ABCB1: variants seen among roughly 807,000 people sequenced by gnomAD.
ABCB1 encodes ATP-dependent translocase ABCB1.
A neutral mutation model predicts 142.0 loss-of-function variants in ABCB1; 69 were observed. The observed-to-expected ratio is 0.49, with a 90% confidence interval of 0.40 to 0.59. ABCB1 has a LOEUF of 0.59. Ranked by LOEUF, ABCB1 falls within the 20% of genes least tolerant of loss-of-function variation. The pLI is 0.00. For missense variants in ABCB1, 1,326 were observed against 1,554.7 expected (o/e 0.85, Z 2.47); for synonymous variants, 532 against 539.2 (o/e 0.99, Z 0.18).
chr7:87,529,333 T>G (rs906710935), intron 21 of ABCB1, among the ~76,000 whole-genome samples: 1 of 152,186 alleles, frequency 6.6e-6, no homozygotes, highest in African/African-American at 2.4e-5. Flanking sequence ...ATATAAGAAG[T>G]ACTAAATAGC....
At chr7:87,520,728 G>A in intron 22 of ABCB1, 48 bp downstream of exon 22, 1 of 1,512,958 alleles carries the variant, frequency 6.6e-7, no homozygotes, top group South Asian at 1.1e-5. Flanking sequence ...CAAATATGAT[G>A]ATTGAAAAAT....
chr7:87,659,599 CAAGAG>C (rs1004864278), intron 1 of ABCB1, among the ~76,000 whole-genome samples: 1 of 152,072 alleles, frequency 6.6e-6, no homozygotes, highest in African/African-American at 2.4e-5. Context: ...TTAGAACACT[CAAGAG>C]GAGAAGGATA....
intron 1 of ABCB1, among the ~76,000 whole-genome samples, chr7:87,636,485 A>C (rs539552578): frequency 1.3e-5 from 2 of 152,222 alleles, no homozygotes; most frequent in African/African-American, 4.8e-5. Context: ...TGTTGGATAC[A>C]TGTAATGCAA....
At chr7:87,649,756 G>A (rs28381754) in intron 1 of ABCB1, among the ~76,000 whole-genome samples, 2 of 152,288 alleles carry the variant, frequency 1.3e-5, no homozygotes, top group Non-Finnish European at 2.9e-5. Flanking sequence ...TAATTCCTAT[G>A]TGTTGTGGGA....
chr7:87,628,814 T>A lies in ABCB1; in HGVS notation c.-330-27736A>T, dbSNP rs541713113. 2.0e-5 allele frequency: 25 copies of A among 1,237,604 alleles called. No individual in the cohort carries two copies. In the South Asian group the frequency reaches 9.0e-4, roughly 45 times the overall value. The allele number at this position is 1,237,604 out of a possible 1,614,324, so 76.7% of individuals were successfully genotyped here. On this transcript the variant is annotated intron_variant, in intron 1 of 28. Transcript: ENST00000265724. ...GCACGAGACAAAAGGGGCACGGGGG[T>A]AAGCCCGCCATGGCCTCCCGGAGCC... is the stretch of plus-strand genomic sequence containing the variant.
At position 87,626,455 on chromosome 7, in the gene ABCB1, A is replaced by G. The variant is rs149543796; in HGVS notation, c.-330-25377T>C. On this transcript the variant is annotated intron_variant, in intron 1 of 28. Coordinates refer to the ABCB1 transcript ENST00000265724. The stretch of plus-strand genomic sequence containing the variant: ...TATGTGTCATATATGTGTCATATAT[A>G]TGTGTCATATATGTGTCATATATAT... Among the ~76,000 whole-genome samples the G allele has an allele frequency of 1.7e-3, 31 of 17,898 alleles. 12 individuals are homozygous for G. In the South Asian group the frequency reaches 0.065, roughly 37 times the overall value. 11.7% of individuals were successfully genotyped at this position (17,898 alleles called of 152,430 possible).
chr7:87,512,317 T>C lies in ABCB1; in HGVS notation c.3283-2836A>G, dbSNP rs142700068. Among the ~76,000 whole-genome samples the C allele has an allele frequency of 2.8e-3, 422 of 152,244 alleles. 4 individuals are homozygous for C. Among genetic ancestry groups the C allele is most frequent in the African/African-American group, 9.8e-3 (407 of 41,562 alleles). ...ATTCAAGACTCTCCACAATTTAACC[T>C]AAATCTTTCTTCAAATTTACCAGTT... is the stretch of plus-strand genomic sequence containing the variant. On this transcript the variant is annotated intron_variant, in intron 25 of 27. Coordinates refer to ENST00000622132, the MANE Select transcript of ABCB1 (RefSeq NM_001348946.2).
intron 5 of ABCB1, among the ~76,000 whole-genome samples, chr7:87,567,467 C>A (rs1407955432): frequency 2.0e-5 from 3 of 152,092 alleles, no homozygotes; most frequent in Non-Finnish European, 2.9e-5. Context: ...GGTCTCTGTA[C>A]ATTGGGGATG....
chr7:87,591,798 G>A (rs1199805313), intron 3 of ABCB1, among the ~76,000 whole-genome samples: 5 of 152,076 alleles, frequency 3.3e-5, no homozygotes, highest in Non-Finnish European at 7.4e-5. Context: ...GAGTTTGCAT[G>A]AGAATAAAAA....
At chr7:87,672,034 T>C (rs1300073532) in intron 1 of ABCB1, among the ~76,000 whole-genome samples, 1 of 152,060 alleles carries the variant, frequency 6.6e-6, no homozygotes, top group Non-Finnish European at 1.5e-5. Context: ...CTGGGAGTCT[T>C]TTCTGCCCCT....
intron 18 of ABCB1, among the ~76,000 whole-genome samples, chr7:87,539,604 G>T (rs1199326409): frequency 6.6e-6 from 1 of 152,160 alleles, no homozygotes; most frequent in Non-Finnish European, 1.5e-5. Flanking sequence ...CACAGAGTTG[G>T]AATCTTAATC....
intron 1 of ABCB1, among the ~76,000 whole-genome samples, chr7:87,616,216 G>C (rs1464110007): frequency 6.6e-6 from 1 of 152,134 alleles, no homozygotes; most frequent in African/African-American, 2.4e-5. Flanking sequence ...AGTATTCTGG[G>C]CTATTGTTAG....
intron 1 of ABCB1, among the ~76,000 whole-genome samples, chr7:87,662,104 T>G (rs1456106595): frequency 6.6e-6 from 1 of 152,060 alleles, no homozygotes; most frequent in Non-Finnish European, 1.5e-5. Flanking sequence ...TAATTATTAG[T>G]TTTTTCCTGT....
At chr7:87,631,932 G>C (rs1821265164) in intron 1 of ABCB1, among the ~76,000 whole-genome samples, 1 of 152,112 alleles carries the variant, frequency 6.6e-6, no homozygotes, top group Non-Finnish European at 1.5e-5. Flanking sequence ...AGCAAAAAAT[G>C]TTTATATTTA....
intron 1 of ABCB1, chr7:87,628,591 GTGT>G: frequency 1.4e-5 from 1 of 70,994 alleles, no homozygotes. Flanking sequence ...GTGCGTGTGT[GTGT>G]GTGTGTGTGT....
intron 1 of ABCB1, among the ~76,000 whole-genome samples, chr7:87,665,885 T>C (rs866965303): frequency 6.6e-6 from 1 of 152,280 alleles, no homozygotes; most frequent in South Asian, 2.1e-4. Context: ...TTCTTTTTTA[T>C]AGCTGTATAG....
At chr7:87,580,511 G>A (rs1253269645) in intron 4 of ABCB1, among the ~76,000 whole-genome samples, 5 of 152,044 alleles carry the variant, frequency 3.3e-5, no homozygotes, top group African/African-American at 4.8e-5. Context: ...GAATTTGATT[G>A]TTAAATATCT....
At chr7:87,626,995 C>G (rs528920862) in intron 1 of ABCB1, among the ~76,000 whole-genome samples, 2 of 152,000 alleles carry the variant, frequency 1.3e-5, no homozygotes, top group African/African-American at 4.8e-5. Flanking sequence ...AGGCTGGTCT[C>G]GAACTCCTGA....
intron 1 of ABCB1, among the ~76,000 whole-genome samples, chr7:87,690,049 C>T (rs1226478770): frequency 2.0e-5 from 3 of 151,838 alleles, no homozygotes; most frequent in Non-Finnish European, 4.4e-5. Context: ...AGTCTGATCT[C>T]GAACCGCTGA....
Sources: gnomAD v4.1 joint callset for allele counts (sites outside exome capture counted in the v4.1 genomes callset) on GRCh38, gnomAD v4.1.1 for gene constraint, MANE v1.5 for transcripts, NCBI Gene and HGNC (gene_info 2026-07-23, HGNC 2026-07-21) for gene names.